BCAS3: variants seen among roughly 807,000 people sequenced by gnomAD.
BCAS3 encodes the protein BCAS3 microtubule associated cell migration factor, also known as BCAS4/BCAS3 fusion.
In BCAS3, 53 loss-of-function variants were observed where a neutral mutation model predicts 116.1. The observed-to-expected ratio is 0.46, with a 90% CI of 0.37 to 0.57. The LOEUF (loss-of-function observed/expected upper bound fraction) is 0.57. Among genes scored for constraint, BCAS3 ranks in the 20% least tolerant of loss-of-function variants. The probability of loss-of-function intolerance (pLI) is 0.00; values close to 1 mark genes in which losing one functional copy is unlikely to be tolerated. For missense variants in BCAS3, 917 were observed against 1,165.4 expected (o/e 0.79, Z 3.10); for synonymous variants, 391 against 408.2 (o/e 0.96, Z 0.51).
chr17:60,761,169 C>T (rs568937044), intron 6 of BCAS3, among the ~76,000 whole-genome samples: 1 of 151,988 alleles, frequency 6.6e-6, no homozygotes, highest in East Asian at 1.9e-4. Flanking sequence ...TCTCATTGAG[C>T]TTCTTTAAAA....
intron 10 of BCAS3, among the ~76,000 whole-genome samples, chr17:60,893,600 C>CTTTTTTTTT (rs930873750): frequency 5.6e-4 from 46 of 82,056 alleles, no homozygotes; most frequent in Non-Finnish European, 7.0e-4. Context: ...GACCTATGAT[C>CTTTTTTTTT]TTTTTTTTTT....
rs1269916194 is a variant in BCAS3 at position 61,265,380 on chromosome 17, G to GT, written c.2426-102947_2426-102946insT. 6.6e-6 allele frequency among the ~76,000 whole-genome samples: 1 copy of GT among 151,678 alleles called. No individual in the cohort carries two copies. Among genetic ancestry groups the GT allele is most frequent in the Non-Finnish European group, 1.5e-5 (1 of 67,966 alleles). On this transcript the variant is annotated intron_variant, in intron 22 of 23. Transcript: ENST00000407086. This position sits in a 1 kb window ranked among gnomAD's most constrained non-coding sequence, Gnocchi z 4.3. Reference sequence around the variant, plus strand: ...GATCGCACCATTGCACTCCAGCCTGGGTAACAAGAGTGAAACTCTGTCTCA... The same window carrying GT: ...GATCGCACCATTGCACTCCAGCCTGGTGTAACAAGAGTGAAACTCTGTCTCA...
At chr17:60,692,341 A>G (rs1251345067) in intron 4 of BCAS3, among the ~76,000 whole-genome samples, 1 of 152,110 alleles carries the variant, frequency 6.6e-6, no homozygotes, top group African/African-American at 2.4e-5. Flanking sequence ...TCCTGGGTTC[A>G]CACCATTCTT....
At chr17:61,311,236 G>T (rs2054280214) in intron 22 of BCAS3, among the ~76,000 whole-genome samples, 1 of 152,158 alleles carries the variant, frequency 6.6e-6, no homozygotes, top group Non-Finnish European at 1.5e-5. Context: ...AAAAATTTGA[G>T]ATCATACTAT....
rs944109596 is a variant in BCAS3 at position 61,083,750 on chromosome 17, C to A, written c.2328-717C>A. 6.6e-6 allele frequency among the ~76,000 whole-genome samples: 1 copy of A among 152,032 alleles called. No homozygotes were observed. The highest frequency in any genetic ancestry group is 2.4e-5 in the African/African-American group (1 of 41,396). On this transcript the variant is annotated intron_variant, in intron 21 of 23. Coordinates refer to ENST00000407086, the MANE Select transcript of BCAS3 (RefSeq NM_017679.5). The surrounding 1 kb of genome is among the most constrained non-coding windows in gnomAD (Gnocchi z 4.9). ...AGCTGGGACTATAGGTGCATGCCACCACACCCGGCTAATTTTTGCATTTTT... is the reference window on the plus strand; with the variant it reads ...AGCTGGGACTATAGGTGCATGCCACAACACCCGGCTAATTTTTGCATTTTT...
chr17:61,247,272 G>A (rs2144529973), intron 22 of BCAS3, among the ~76,000 whole-genome samples: 1 of 152,158 alleles, frequency 6.6e-6, no homozygotes. Flanking sequence ...TTTTCTTATA[G>A]TATTCTATAA....
At position 61,158,225 on chromosome 17, in the gene BCAS3, G is replaced by A. The variant is rs555716950; in HGVS notation, c.2425+73661G>A. Among the ~76,000 whole-genome samples the A allele has an allele frequency of 2.0e-4, 31 of 152,244 alleles. No individual in the cohort carries two copies. The South Asian group carries it at 6.0e-3, about 30-fold the overall frequency. ...TATTTTGTTGTCTTGCAAACATCTG[G>A]GAGATGATTTCTTATTCTTTACATG... On this transcript the variant is annotated intron_variant, in intron 22 of 23. Coordinates refer to ENST00000407086, the MANE Select transcript of BCAS3 (RefSeq NM_017679.5).
chr17:61,029,328 G>A lies in BCAS3; in HGVS notation c.1638-5338G>A, dbSNP rs919738283. On this transcript the variant is annotated intron_variant, in intron 16 of 23. Coordinates refer to ENST00000407086, the MANE Select transcript of BCAS3 (RefSeq NM_017679.5). This position sits in a 1 kb window ranked among gnomAD's most constrained non-coding sequence, Gnocchi z 5.2. Reference sequence around the variant, plus strand: ...AGATGAGTCGTTATAAAATACAGTCGTTCCCTTTGGTAACAAAATAAGCTT... The same window carrying A: ...AGATGAGTCGTTATAAAATACAGTCATTCCCTTTGGTAACAAAATAAGCTT... 2.0e-5 allele frequency among the ~76,000 whole-genome samples: 3 copies of A among 151,766 alleles called. No homozygotes were observed. Among genetic ancestry groups the A allele is most frequent in the South Asian group, 2.1e-4 (1 of 4,826 alleles).
Position 60,868,578 on chromosome 17 carries a change from C to G in BCAS3, c.479C>G (p.Thr160Arg). 1 of 1,530,414 alleles carries G rather than the reference C, an allele frequency of 6.5e-7. No homozygotes were observed. Among genetic ancestry groups the G allele is most frequent in the South Asian group, 1.3e-5 (1 of 77,526 alleles). 94.8% of individuals were successfully genotyped at this position (1,530,414 alleles called of 1,614,324 possible). Residue 160 changes from threonine to arginine, a missense_variant and splice_region_variant, in exon 8 of 24, where the codon ACA (threonine) becomes AGA (arginine). Physicochemically the swap from Thr to Arg is moderately conservative, Grantham distance 71 (BLOSUM62 -1). Coordinates refer to ENST00000407086, the MANE Select transcript of BCAS3 (RefSeq NM_017679.5). Reference protein sequence around the residue: ...GVCKSIGSSGTSPPYCCVDLY... With the variant: ...GVCKSIGSSGRSPPYCCVDLY... ...TTTCTTTCTTTTTTCTTTTTTAGCA[C>G]AAGCCCACCGTACTGTTGTGTGGAT...
At chr17:60,981,484 T>C (rs1000005545) in intron 14 of BCAS3, among the ~76,000 whole-genome samples, 2 of 152,106 alleles carry the variant, frequency 1.3e-5, no homozygotes, top group Non-Finnish European at 2.9e-5. Flanking sequence ...GGTTTCACCA[T>C]GTTGGCCAGG....
At chr17:60,830,658 T>C (rs561698065) in intron 7 of BCAS3, among the ~76,000 whole-genome samples, 2 of 152,232 alleles carry the variant, frequency 1.3e-5, no homozygotes, top group South Asian at 4.2e-4. Context: ...TGGAAAGATT[T>C]AGAAAAACTC....
chr17:61,177,395 A>T (rs1319887255), intron 22 of BCAS3, among the ~76,000 whole-genome samples: 1 of 152,250 alleles, frequency 6.6e-6, no homozygotes, highest in Non-Finnish European at 1.5e-5. Flanking sequence ...TGAGTTCTTG[A>T]TAAATGCGAT....
At chr17:60,803,796 A>AT (rs11384999) in intron 6 of BCAS3, among the ~76,000 whole-genome samples, 48,354 of 89,394 alleles carry the variant, frequency 0.54, 14,752 homozygotes, top group East Asian at 0.89. Flanking sequence ...AACTATTACG[A>AT]TTTTTTTTTT....
At chr17:61,216,091 C>T (rs749017580) in intron 22 of BCAS3, among the ~76,000 whole-genome samples, 1 of 151,944 alleles carries the variant, frequency 6.6e-6, no homozygotes, top group Non-Finnish European at 1.5e-5. Flanking sequence ...TACTAATTTC[C>T]TGATAGTCAT....
At chr17:61,100,486 C>A (rs949738060) in intron 22 of BCAS3, among the ~76,000 whole-genome samples, 1 of 152,120 alleles carries the variant, frequency 6.6e-6, no homozygotes, top group Admixed American at 6.5e-5. Flanking sequence ...TTCCAACTCA[C>A]CCCCTTGATT....
Position 61,106,467 on chromosome 17 carries a change from T to C in BCAS3, c.2425+21903T>C, listed in dbSNP as rs2074658254. Among the ~76,000 whole-genome samples, 1 of 152,226 alleles carries C rather than the reference T, an allele frequency of 6.6e-6. No individual in the cohort carries two copies. Among genetic ancestry groups the C allele is most frequent in the African/African-American group, 2.4e-5 (1 of 41,462 alleles). On this transcript the variant is annotated intron_variant, in intron 22 of 23. Transcript: ENST00000407086. This position sits in a 1 kb window ranked among gnomAD's most constrained non-coding sequence, Gnocchi z 4.2. The stretch of plus-strand genomic sequence containing the variant: ...GGTTATAGCATATAGCTTAGGTGTG[T>C]TGTAGGCTATTCTATCTAGGTTTGT...
chr17:61,176,525 CTATTTATT>C lies in BCAS3; in HGVS notation c.2425+91997_2425+92004del, dbSNP rs139505219. Among the ~76,000 whole-genome samples, 882 of 145,574 alleles carry C rather than the reference CTATTTATT, an allele frequency of 6.1e-3. 5 individuals carry two copies. Among genetic ancestry groups the C allele is most frequent in the South Asian group, 0.02 (89 of 4,504 alleles). ...TGACAGGTTGAAAATTGTGTAATGT[CTATTTATT>C]TATTTATTTATTTATTTATTTATTT... is the stretch of plus-strand genomic sequence containing the variant. On this transcript the variant is annotated intron_variant, in intron 22 of 23. Coordinates refer to ENST00000407086, the MANE Select transcript of BCAS3 (RefSeq NM_017679.5).
At chr17:60,992,475 T>C (rs900715720) in intron 15 of BCAS3, among the ~76,000 whole-genome samples, 1 of 152,060 alleles carries the variant, frequency 6.6e-6, no homozygotes, top group Non-Finnish European at 1.5e-5. Flanking sequence ...GAGCTAAACA[T>C]TGAGTATACA....
At chr17:60,800,657 G>T (rs2047691419) in intron 6 of BCAS3, among the ~76,000 whole-genome samples, 1 of 151,666 alleles carries the variant, frequency 6.6e-6, no homozygotes, top group African/African-American at 2.4e-5. Flanking sequence ...ATCTTGTGTG[G>T]GACTTCATCA....
Sources: allele counts gnomAD v4.1 joint callset (sites outside exome capture counted in the v4.1 genomes callset), GRCh38; gene constraint gnomAD v4.1.1; non-coding constraint Gnocchi (gnomAD v3.1); transcripts MANE v1.5; gene names NCBI Gene and HGNC (gene_info 2026-07-23, HGNC 2026-07-21).